The following HSPG2 variants were observed in gnomAD, a reference collection of about 807,000 sequenced individuals.
HSPG2 encodes basement membrane-specific heparan sulfate proteoglycan core protein.
In HSPG2, 278 loss-of-function variants were observed where a neutral mutation model predicts 526.6. The observed-to-expected ratio is 0.53, with a 90% CI of 0.48 to 0.58. The LOEUF is 0.58. Ranked by LOEUF, HSPG2 falls within the 20% of genes least tolerant of loss-of-function variation. HSPG2 has a pLI of 0.00. For synonymous variants in HSPG2, 2,465 were observed against 2,555.4 expected (o/e 0.96, Z 1.07); for missense variants, 5,354 against 6,099.5 (o/e 0.88, Z 4.07).
intron 1 of HSPG2, among the ~76,000 whole-genome samples, chr1:21,928,066 C>T (rs1368127242): frequency 1.3e-5 from 2 of 152,246 alleles, no homozygotes; most frequent in African/African-American, 4.8e-5. Flanking sequence ...TACTTCATAA[C>T]CACCAGGAAG....
chr1:21,843,723 C>T lies in HSPG2; in HGVS notation c.8617-285G>A, dbSNP rs189113695. 8.2e-3 allele frequency among the ~76,000 whole-genome samples: 1,248 copies of T among 152,088 alleles called. 16 individuals carry two copies. Among genetic ancestry groups the T allele is most frequent in the African/African-American group, 0.027 (1,138 of 41,498 alleles). ...GTGCAGTGGTGCAATCTCGGCTCAC[C>T]GCAACCTCTGCCTCCTGGGTTCAAG... On this transcript the variant is annotated intron_variant, in intron 65 of 96. Coordinates refer to ENST00000374695, the MANE Select transcript of HSPG2 (RefSeq NM_005529.7).
Position 21,904,678 on chromosome 1 carries a change from G to A in HSPG2, c.64-8368C>T, listed in dbSNP as rs941836855. On this transcript the variant is annotated intron_variant, in intron 1 of 96. Transcript: ENST00000374695. The surrounding 1 kb of genome is among the most constrained non-coding windows in gnomAD (Gnocchi z 4.4). ...TCACCCATGTGCCAGGTGTGGCCAA[G>A]GCGGTGGGGGTGGCCTAAGCGGGAA... is the stretch of plus-strand genomic sequence containing the variant. Among the ~76,000 whole-genome samples the A allele has an allele frequency of 6.6e-6, 1 of 152,240 alleles. No individual in the cohort carries two copies. The highest frequency in any genetic ancestry group is 2.4e-5 in the African/African-American group (1 of 41,468).
chr1:21,889,556 C>G (rs1189478938), intron 6 of HSPG2, among the ~76,000 whole-genome samples: 1 of 150,508 alleles, frequency 6.6e-6, no homozygotes, highest in Non-Finnish European at 1.5e-5. Context: ...CCTTTCTGGG[C>G]CTCAGTTCCC....
chr1:21,867,942 C>T (rs1013124649), intron 33 of HSPG2, among the ~76,000 whole-genome samples: 2 of 152,044 alleles, frequency 1.3e-5, no homozygotes, highest in African/African-American at 2.4e-5. Flanking sequence ...GTTGGCCAGG[C>T]TGGTCTCAAA....
At chr1:21,827,572 A>G (rs2097981881) in intron 91 of HSPG2, among the ~76,000 whole-genome samples, 2 of 152,218 alleles carry the variant, frequency 1.3e-5, no homozygotes. Flanking sequence ...TATGCATCTT[A>G]TATTTACTGC....
At chr1:21,873,200 C>T in intron 30 of HSPG2, 109 bp from the exon 31 acceptor site, 4 of 1,138,246 alleles carry the variant, frequency 3.5e-6, no homozygotes, top group Non-Finnish European at 5.3e-6. Context: ...GATGTGAGTA[C>T]TCAACACTCT....
chr1:21,841,250 C>A lies in HSPG2; in HGVS notation c.9364G>T (p.Val3122Leu), dbSNP rs530638947. 6.2e-7 allele frequency: 1 copy of A among 1,613,828 alleles called. No homozygotes were observed. The highest frequency in any genetic ancestry group is 2.2e-5 in the East Asian group (1 of 44,876). ...PTVSVLPEGPVWVKVGKAVTL... is the reference protein window; with the variant it reads ...PTVSVLPEGPLWVKVGKAVTL... ...ACAGCCTTTCCCACTTTCACCCACA[C>A]GGGGCCCTCGGGGAGCACGGACACT... is the stretch of plus-strand genomic sequence containing the variant. Residue 3122 changes from valine (V) to leucine (L), a missense_variant, in exon 71 of 97, where the codon GTG becomes TTG. Coordinates refer to ENST00000374695, the MANE Select transcript of HSPG2 (RefSeq NM_005529.7).
chr1:21,828,983 T>C lies in HSPG2; in HGVS notation c.12089A>G (p.Asn4030Ser), dbSNP rs923660613. Residue 4030 changes from asparagine to serine, a missense_variant, in exon 88 of 97, where the codon AAT becomes AGT. Physicochemically the swap from Asn to Ser is conservative, Grantham distance 46. Transcript: ENST00000374695. This position sits in a 1 kb window ranked among gnomAD's most constrained non-coding sequence, Gnocchi z 6.0. Reference protein sequence around the residue: ...RLNKDGSLRVNGGRPVLRSSP... With the variant: ...RLNKDGSLRVSGGRPVLRSSP... ...GGAGCGCAGCACAGGGCGTCCACCATTCACCCGCAGGCTGCCGTCCTTGTT... is the reference window on the plus strand; with the variant it reads ...GGAGCGCAGCACAGGGCGTCCACCACTCACCCGCAGGCTGCCGTCCTTGTT... 9 of 1,574,604 alleles carry C rather than the reference T, an allele frequency of 5.7e-6. No individual in the cohort carries two copies. Among genetic ancestry groups the C allele is most frequent in the East Asian group, 2.3e-5 (1 of 42,720 alleles).
At chr1:21,876,470 C>A in intron 22 of HSPG2, 42 bp downstream of exon 22, 9 of 1,613,170 alleles carry the variant, frequency 5.6e-6, no homozygotes, top group Non-Finnish European at 7.6e-6. Flanking sequence ...GTCCATCCGG[C>A]CCAGGGCTTG....
At chr1:21,905,838 C>A (rs1643351355) in intron 1 of HSPG2, among the ~76,000 whole-genome samples, 1 of 152,182 alleles carries the variant, frequency 6.6e-6, no homozygotes, top group African/African-American at 2.4e-5. Context: ...TAGTGAGACT[C>A]TGTCTCTACA....
chr1:21,888,045 C>T lies in HSPG2; in HGVS notation c.596G>A (p.Cys199Tyr), dbSNP rs1249302247. 3 of 1,613,970 alleles carry T rather than the reference C, an allele frequency of 1.9e-6. No homozygotes were observed. Among genetic ancestry groups the T allele is most frequent in the Non-Finnish European group, 2.5e-6 (3 of 1,180,014 alleles). ...GTGGCAGGCAAACTCGGCCTCCGTG[C>T]AGGCTCTTGGGAACTGGGGCACTGC... ...LGTVPQFPRA[C>Y]TEAEFACHSY... Residue 199 changes from cysteine (C) to tyrosine (Y), a missense_variant, in exon 7 of 97, where the codon TGC (cysteine) becomes TAC (tyrosine). Transcript: ENST00000374695.
chr1:21,831,678 G>A lies in HSPG2; in HGVS notation c.11326C>T (p.Leu3776=). 6.2e-7 allele frequency: 1 copy of A among 1,606,200 alleles called. No homozygotes were observed. Among genetic ancestry groups the A allele is most frequent in the Non-Finnish European group, 8.5e-7 (1 of 1,175,894 alleles). ...LTQGSLIVGD[L]APVNGTSQGK... is the part of the protein sequence containing the mutation. ...TGGGAGGTCCCATTGACCGGGGCCA[G>A]GTCACCCACAATCAGGGAGCCCTGG... The change falls in exon 82 of 97, where the codon CTG becomes TTG. Residue 3776 remains leucine (L), a synonymous_variant. Transcript: ENST00000374695.
Position 21,885,060 on chromosome 1 carries a change from G to T in HSPG2, c.1308C>A (p.Pro436=). 6.2e-7 allele frequency: 1 copy of T among 1,613,932 alleles called. No individual in the cohort carries two copies. The highest frequency in any genetic ancestry group is 1.1e-5 in the South Asian group (1 of 91,088). Residue 436 remains proline, a synonymous_variant, in exon 11 of 97, where the codon CCC becomes CCA. Transcript: ENST00000374695. ...CCCAGTTGAGCCTCCAATTGATGAT[G>T]GGGGTGGGGACGCCAATGGCCACGC... The part of the protein sequence containing the change: ...FTCVAIGVPT[P]IINWRLNWGH...
In HSPG2 at chr1:21,904,524, G is replaced by C. The variant is rs562243948; in HGVS notation, c.64-8214C>G. ...TAGTCACAGAGGCCAAGTCTCCCCT[G>C]TACCCCCAGAGTCCCTGCACTCTCC... On this transcript the variant is annotated intron_variant, in intron 1 of 96. Coordinates refer to ENST00000374695, the MANE Select transcript of HSPG2 (RefSeq NM_005529.7). The surrounding 1 kb of genome is among the most constrained non-coding windows in gnomAD (Gnocchi z 4.4). 2.6e-5 allele frequency among the ~76,000 whole-genome samples: 4 copies of C among 152,236 alleles called. No homozygotes were observed. The highest frequency in any genetic ancestry group is 9.6e-5 in the African/African-American group (4 of 41,546).
At chr1:21,927,180 G>C (rs958106435) in intron 1 of HSPG2, among the ~76,000 whole-genome samples, 10 of 152,098 alleles carry the variant, frequency 6.6e-5, no homozygotes, top group Non-Finnish European at 1.3e-4. Flanking sequence ...CCCCAGCCAG[G>C]CCTCCCCTTC....
chr1:21,873,472 A>C (rs1333725435), intron 29 of HSPG2, 48 bp from the exon 30 acceptor site: 2 of 1,586,600 alleles, frequency 1.3e-6, no homozygotes, highest in Admixed American at 3.3e-5. Context: ...AGGGAAGCAG[A>C]ACCCCAGGGC....
chr1:21,894,990 A>C (rs1642647894), intron 3 of HSPG2, among the ~76,000 whole-genome samples: 1 of 152,186 alleles, frequency 6.6e-6, no homozygotes, highest in Non-Finnish European at 1.5e-5. Flanking sequence ...TCCTGTCTAC[A>C]CTGACCCAGT....
rs1256018379 is a variant in HSPG2, at chr1:21,876,294, A to G, written c.2938T>C (p.Ser980Pro). The part of the protein sequence containing the change: ...SPTPGELGFS[S>P]FHRLLSGPYF... ...GGTCCAGATAAGAGTCTGTGGAAGG[A>G]GGAGAATCCCAGTTCCCCGGGCGTG... Residue 980 changes from serine (S) to proline (P), a missense_variant, in exon 23 of 97, where the codon TCC becomes CCC. Coordinates refer to ENST00000374695, the MANE Select transcript of HSPG2 (RefSeq NM_005529.7). The G allele has an allele frequency of 1.1e-5, 17 of 1,613,890 alleles. No individual in the cohort carries two copies. Among genetic ancestry groups the G allele is most frequent in the Non-Finnish European group, 1.4e-5 (17 of 1,180,000 alleles).
rs1193525788 is a variant in HSPG2 at position 21,887,506 on chromosome 1, G to A, written c.872C>T (p.Ala291Val). The A allele has an allele frequency of 6.2e-7, 1 of 1,613,956 alleles. No homozygotes were observed. The highest frequency in any genetic ancestry group is 1.7e-5 in the Admixed American group (1 of 60,002). ...GGGGATGCAGTGCCCATTGCGGCAT[G>A]CGGCCTCCTGGGGCCCACAGGGCAG... ...RPLPCGPQEA[A>V]CRNGHCIPRD... Residue 291 changes from alanine to valine, a missense_variant, in exon 8 of 97, where the codon GCA becomes GTA. Physicochemically the swap from Ala to Val is moderately conservative, Grantham distance 64 (BLOSUM62 0). Transcript: ENST00000374695. The surrounding 1 kb of genome is among the most constrained non-coding windows in gnomAD (Gnocchi z 5.0).
Sources: gnomAD v4.1 joint callset for allele counts (sites outside exome capture counted in the v4.1 genomes callset) on GRCh38, gnomAD v4.1.1 for gene constraint, Gnocchi (gnomAD v3.1) non-coding constraint, MANE v1.5 for transcripts, NCBI Gene and HGNC (gene_info 2026-07-23, HGNC 2026-07-21) for gene names.